MRC1: variants seen among roughly 807,000 people sequenced by gnomAD.
MRC1 encodes the protein macrophage mannose receptor 1.
Under a neutral mutation model 102.9 loss-of-function variants are expected in MRC1, and 62 were observed. The observed-to-expected ratio is 0.60, with a 90% CI of 0.49 to 0.74. The LOEUF (loss-of-function observed/expected upper bound fraction) is 0.74. MRC1 is among the 30% of genes least tolerant of loss of function. The pLI is 0.00. For synonymous variants in MRC1, 457 were observed against 298.4 expected, an observed-to-expected ratio of 1.53 and a Z score of -5.48; for missense variants, 1,237 against 862.8, an observed-to-expected ratio of 1.43 and a Z score of -5.43.
intron 5 of MRC1, among the ~76,000 whole-genome samples, chr10:17,842,666 G>A (rs1838769358): frequency 6.6e-6 from 1 of 152,214 alleles, no homozygotes; most frequent in African/African-American, 2.4e-5. Flanking sequence ...AACTTATTAG[G>A]GGACTAGAAT....
At chr10:17,851,320 A>T (rs1220643989) in intron 7 of MRC1, among the ~76,000 whole-genome samples, 4 of 152,136 alleles carry the variant, frequency 2.6e-5, no homozygotes, top group Non-Finnish European at 4.4e-5. Flanking sequence ...ACAATAAAAT[A>T]ATATTAATAA....
At chr10:17,871,029 G>T in intron 14 of MRC1, 94 bp downstream of exon 14, 1 of 787,676 alleles carries the variant, frequency 1.3e-6, no homozygotes, top group Non-Finnish European at 2.3e-6. Context: ...TAATAAGACA[G>T]TTCATTATGA....
intron 17 of MRC1, among the ~76,000 whole-genome samples, chr10:17,877,344 G>T (rs1006148476): frequency 1.4e-5 from 2 of 147,778 alleles, no homozygotes; most frequent in African/African-American, 4.9e-5. Flanking sequence ...GAAAATATAT[G>T]TAATACATGT....
At chr10:17,870,150 T>C in intron 12 of MRC1, 96 bp from the exon 13 acceptor site, 1 of 707,838 alleles carries the variant, frequency 1.4e-6, no homozygotes, top group Non-Finnish European at 2.6e-6. Context: ...GTTTTGTTTT[T>C]CTGTAAATGA....
At chr10:17,886,673 A>T (rs1343722555) in intron 22 of MRC1, among the ~76,000 whole-genome samples, 1 of 152,202 alleles carries the variant, frequency 6.6e-6, no homozygotes, top group African/African-American at 2.4e-5. Flanking sequence ...AAGTGCTGGG[A>T]TTACAGGCAT....
intron 27 of MRC1, among the ~76,000 whole-genome samples, chr10:17,907,296 A>G (rs1233752660): frequency 1.3e-5 from 2 of 152,204 alleles, no homozygotes; most frequent in Non-Finnish European, 1.5e-5. Context: ...GATAAGTATA[A>G]ATATTTGTAC....
intron 1 of MRC1, among the ~76,000 whole-genome samples, chr10:17,810,125 T>C (rs1838200741): frequency 6.6e-6 from 1 of 152,214 alleles, no homozygotes; most frequent in South Asian, 2.1e-4. Context: ...GCAGATCGAT[T>C]CCTGTTTTTC....
At chr10:17,896,493 A>G (rs1833757621) in intron 23 of MRC1, among the ~76,000 whole-genome samples, 1 of 152,218 alleles carries the variant, frequency 6.6e-6, no homozygotes, top group African/African-American at 2.4e-5. Flanking sequence ...TCACACGCTT[A>G]TTTAAAAACT....
At chr10:17,821,015 A>G (rs1466797710) in intron 1 of MRC1, among the ~76,000 whole-genome samples, 9 of 152,222 alleles carry the variant, frequency 5.9e-5, no homozygotes, top group Non-Finnish European at 1.2e-4. Flanking sequence ...AAGGAAGCTC[A>G]GCTAGACAGG....
intron 2 of MRC1, among the ~76,000 whole-genome samples, chr10:17,827,322 C>G (rs1228276445): frequency 1.6e-5 from 2 of 125,796 alleles, no homozygotes; most frequent in South Asian, 2.6e-4. Flanking sequence ...ACAGACAGCT[C>G]TATGTACCCA....
intron 9 of MRC1, 30 bp downstream of exon 9, chr10:17,856,382 G>A (rs1333323722): frequency 2.4e-6 from 2 of 825,932 alleles, no homozygotes; most frequent in East Asian, 5.1e-5. Context: ...AGTGACTTAA[G>A]CTGAGCACGT....
At chr10:17,880,749 T>C in intron 20 of MRC1, 79 bp downstream of exon 20, 1 of 774,790 alleles carries the variant, frequency 1.3e-6, no homozygotes, top group South Asian at 1.4e-5. Flanking sequence ...AAGTTAACTT[T>C]TGCTAGCCTC....
intron 11 of MRC1, among the ~76,000 whole-genome samples, 177 bp downstream of exon 11, chr10:17,863,859 A>G (rs999079231): frequency 2.2e-3 from 340 of 151,894 alleles, no homozygotes; most frequent in African/African-American, 8.1e-3. Context: ...CTTTTCTAAA[A>G]GTTTCCCAAT....
chr10:17,809,672 C>A, intron 1 of MRC1, 146 bp downstream of exon 1: 1 of 743,456 alleles, frequency 1.3e-6, no homozygotes, highest in Non-Finnish European at 2.5e-6. Context: ...ACGGCTAAGC[C>A]TGCTGCCTTC....
intron 22 of MRC1, among the ~76,000 whole-genome samples, chr10:17,891,045 A>G (rs1251138828): frequency 2.0e-5 from 3 of 150,164 alleles, no homozygotes; most frequent in African/African-American, 7.4e-5. Flanking sequence ...CCTGTCTCCC[A>G]TTACCCCCAG....
chr10:17,827,395 AAAAAAAAAAAAAAAAGAAAT>A, intron 2 of MRC1, 127 bp from the exon 3 acceptor site: 1 of 426,964 alleles, frequency 2.3e-6, no homozygotes, highest in Non-Finnish European at 4.2e-6. Flanking sequence ...AAAAAAAAAA[AAAAAAAAAAAAAAAAGAAAT>A]CCCTCTGTGG....
intron 9 of MRC1, among the ~76,000 whole-genome samples, chr10:17,858,276 G>T (rs1347626254): frequency 3.3e-5 from 5 of 151,988 alleles, no homozygotes; most frequent in Admixed American, 2.0e-4. Flanking sequence ...CTTATTTTTG[G>T]TACTGGAATT....
intron 9 of MRC1, 48 bp from the exon 10 acceptor site, chr10:17,861,339 A>G (rs1418784824): frequency 3.7e-6 from 3 of 803,436 alleles, no homozygotes; most frequent in African/African-American, 1.7e-5. Context: ...TTTATAATAT[A>G]TATGCATGAA....
rs947372312 is a variant in MRC1, at chr10:17,863,824, C to T, written c.1783+142C>T. 178 of 645,480 alleles carry T rather than the reference C, an allele frequency of 2.8e-4. No individual in the cohort carries two copies. In the African/African-American group the frequency reaches 2.8e-3, roughly 10 times the overall value. 40.0% of individuals were successfully genotyped at this position (645,480 alleles called of 1,614,324 possible). ...AACAATTTATATTTCATTCTCTTTT[C>T]GTTTTTTCTTTTCTTCCTTTTTTTC... On this transcript the variant is annotated intron_variant, in intron 11 of 29. Coordinates refer to ENST00000569591, the MANE Select transcript of MRC1 (RefSeq NM_002438.4).
Sources: allele counts gnomAD v4.1 joint callset (sites outside exome capture counted in the v4.1 genomes callset), GRCh38; gene constraint gnomAD v4.1.1; transcripts MANE v1.5; gene names NCBI Gene and HGNC (gene_info 2026-07-23, HGNC 2026-07-21).